The following TRPC5 variants were observed in gnomAD, a reference collection of about 807,000 sequenced individuals.
The protein encoded by TRPC5 is transient receptor potential cation channel subfamily C member 5.
A neutral mutation model predicts 56.5 loss-of-function variants in TRPC5; 9 were observed. The ratio of observed to expected loss-of-function variants is 0.16; its 90% CI spans 0.10 to 0.28. The LOEUF is 0.28. Ranked by LOEUF, TRPC5 falls within the 10% of genes least tolerant of loss-of-function variation. TRPC5 has a pLI of 1.00. For missense variants in TRPC5, 469 were observed against 748.9 expected, an observed-to-expected ratio of 0.63 and a Z score of 4.36; for synonymous variants, 282 against 278.5, an observed-to-expected ratio of 1.01 and a Z score of -0.13.
At chrX:112,064,867 G>A (rs955275228) in intron 1 of TRPC5, among the ~76,000 whole-genome samples, 3 of 110,916 alleles carry the variant, frequency 2.7e-5, no homozygotes, top group South Asian at 7.7e-4. Context: ...GAGGTCAGGA[G>A]ATCGAGACCA....
chrX:112,017,511 A>C (rs946584663), intron 1 of TRPC5, among the ~76,000 whole-genome samples: 1 of 109,973 alleles, frequency 9.1e-6, no homozygotes, highest in Non-Finnish European at 1.9e-5. Flanking sequence ...GAGAGGTTAG[A>C]TATTCTTGGG....
At chrX:111,786,600 A>G (rs1210232084) in intron 7 of TRPC5, among the ~76,000 whole-genome samples, 1 of 111,160 alleles carries the variant, frequency 9.0e-6, no homozygotes, top group African/African-American at 3.3e-5. Context: ...AAATGCCCCA[A>G]TTAGAAGACA....
chrX:111,900,673 G>A (rs1449959521), intron 3 of TRPC5, among the ~76,000 whole-genome samples: 1 of 111,387 alleles, frequency 9.0e-6, no homozygotes, highest in Non-Finnish European at 1.9e-5. Context: ...TGTAGGATGG[G>A]CTTGTGAAAC....
chrX:112,058,544 A>T (rs1163125207), intron 1 of TRPC5, among the ~76,000 whole-genome samples: 1 of 111,725 alleles, frequency 9.0e-6, no homozygotes, highest in East Asian at 2.8e-4. Flanking sequence ...TATCTAAGGC[A>T]TATGTAGGAT....
intron 1 of TRPC5, among the ~76,000 whole-genome samples, chrX:111,955,948 A>G (rs983586338): frequency 1.8e-5 from 2 of 112,444 alleles, no homozygotes; most frequent in Admixed American, 9.4e-5. Flanking sequence ...CCCGCTCGCA[A>G]TGTAGTTCTC....
chrX:112,020,646 A>G (rs1170779394), intron 1 of TRPC5, among the ~76,000 whole-genome samples: 1 of 111,781 alleles, frequency 8.9e-6, no homozygotes, highest in Non-Finnish European at 1.9e-5. Flanking sequence ...AAATAATGAA[A>G]TCTAAAAATA....
chrX:111,815,629 G>A (rs1160888306), intron 7 of TRPC5, among the ~76,000 whole-genome samples: 1 of 110,566 alleles, frequency 9.0e-6, no homozygotes, highest in Non-Finnish European at 1.9e-5. Flanking sequence ...GTTGAGGCAG[G>A]CGAATTGCTT....
intron 1 of TRPC5, among the ~76,000 whole-genome samples, chrX:112,035,717 C>T (rs1401144785): frequency 1.8e-5 from 2 of 109,303 alleles, no homozygotes; most frequent in Admixed American, 9.8e-5. Context: ...CTGCAAGCTC[C>T]GCCTCCCAGG....
intron 2 of TRPC5, among the ~76,000 whole-genome samples, chrX:111,931,863 G>T (rs1926425881): frequency 9.0e-6 from 1 of 111,608 alleles, no homozygotes; most frequent in African/African-American, 3.3e-5. Flanking sequence ...GGATGGTTGT[G>T]GGTATCGAAT....
intron 7 of TRPC5, among the ~76,000 whole-genome samples, chrX:111,807,504 A>G (rs916397111): frequency 1.8e-5 from 2 of 112,503 alleles, no homozygotes; most frequent in African/African-American, 6.4e-5. Flanking sequence ...AGTTCCCTCA[A>G]AACAGCTATT....
At chrX:112,017,102 C>T (rs1367235368) in intron 1 of TRPC5, among the ~76,000 whole-genome samples, 1 of 111,606 alleles carries the variant, frequency 9.0e-6, no homozygotes, top group Non-Finnish European at 1.9e-5. Flanking sequence ...CAACCTCTGC[C>T]TCCCGGGTTC....
In TRPC5 at chrX:111,905,012, T is replaced by C. The variant is rs925672342; in HGVS notation, c.900+7279A>G. On this transcript the variant is annotated intron_variant, in intron 3 of 10. Coordinates refer to ENST00000262839, the MANE Select transcript of TRPC5 (RefSeq NM_012471.3). ...AATTGAATTCTTTTGGGGAGTCTACTTGAGTTCTAGTAGGAATAATAATGA... is the reference window on the plus strand; with the variant it reads ...AATTGAATTCTTTTGGGGAGTCTACCTGAGTTCTAGTAGGAATAATAATGA... Among the ~76,000 whole-genome samples, 13 of 109,325 alleles carry C rather than the reference T, an allele frequency of 1.2e-4. No homozygotes were observed. The East Asian group carries it at 1.7e-3, about 15-fold the overall frequency. 94.9% of individuals were successfully genotyped at this position (109,325 alleles called of 115,157 possible).
At position 111,771,784 on chromosome X, in the gene TRPC5, T is replaced by A. The variant is rs948014416; in HGVS notation, c.*4529A>T. On this transcript the variant is annotated 3_prime_UTR_variant, in exon 11 of 11. Transcript: ENST00000262839. ...TTCTGACCTAAATGCTTTTTTTTTT[T>A]TTAAACAAAACCAGGAACCTCAAAT... 1.8e-5 allele frequency among the ~76,000 whole-genome samples: 2 copies of A among 110,700 alleles called. No homozygotes were observed. The highest frequency in any genetic ancestry group is 3.8e-5 in the Non-Finnish European group (2 of 52,862).
At chrX:112,053,644 G>A (rs960959184) in intron 1 of TRPC5, among the ~76,000 whole-genome samples, 1 of 111,676 alleles carries the variant, frequency 9.0e-6, no homozygotes, top group African/African-American at 3.3e-5. Flanking sequence ...AGATGGCCTG[G>A]TGGTGTAAGG....
At chrX:111,807,052 C>G (rs1279872740) in intron 7 of TRPC5, among the ~76,000 whole-genome samples, 1 of 111,374 alleles carries the variant, frequency 9.0e-6, no homozygotes, top group Non-Finnish European at 1.9e-5. Context: ...TTGAGGTAGT[C>G]TTTTGGTTAA....
chrX:111,790,243 G>A (rs1237178751), intron 7 of TRPC5, among the ~76,000 whole-genome samples: 1 of 111,587 alleles, frequency 9.0e-6, no homozygotes, highest in African/African-American at 3.3e-5. Context: ...AAAAGGATGA[G>A]TTCATGTCCT....
At chrX:111,977,598 A>G (rs1485744242) in intron 1 of TRPC5, among the ~76,000 whole-genome samples, 1 of 112,031 alleles carries the variant, frequency 8.9e-6, no homozygotes, top group Non-Finnish European at 1.9e-5. Flanking sequence ...CAGACAACAA[A>G]AGCAAAAATA....
At chrX:112,015,696 G>GT (rs1298053617) in intron 1 of TRPC5, among the ~76,000 whole-genome samples, 1 of 111,553 alleles carries the variant, frequency 9.0e-6, no homozygotes, top group African/African-American at 3.3e-5. Context: ...CACTATAAGG[G>GT]TTTGCACACC....
At chrX:111,959,869 A>AT (rs1392571964) in intron 1 of TRPC5, among the ~76,000 whole-genome samples, 1 of 111,486 alleles carries the variant, frequency 9.0e-6, no homozygotes, top group Admixed American at 9.6e-5. Flanking sequence ...GATGTATCAT[A>AT]TTATAAGTGG....
Sources: gnomAD v4.1 joint callset for allele counts (sites outside exome capture counted in the v4.1 genomes callset) on GRCh38, gnomAD v4.1.1 for gene constraint, MANE v1.5 for transcripts, NCBI Gene and HGNC (gene_info 2026-07-23, HGNC 2026-07-21) for gene names.